The following ADAM23 variants were observed in gnomAD, a reference collection of about 807,000 sequenced individuals.
ADAM23 encodes the protein ADAM metallopeptidase domain 23, also known as disintegrin and metalloproteinase domain-containing protein 23.
ADAM23 carries 33 observed loss-of-function variants against 120.1 expected under a neutral mutation model. The observed-to-expected ratio is 0.27, with a 90% CI of 0.21 to 0.37. The LOEUF (loss-of-function observed/expected upper bound fraction) is 0.37, where lower values mean the gene tolerates loss of function less well. Ranked by LOEUF, ADAM23 falls within the 10% of genes least tolerant of loss-of-function variation. ADAM23 has a pLI of 1.00. For missense variants in ADAM23, 862 were observed against 1,058.2 expected, an observed-to-expected ratio of 0.81 and a Z score of 2.57; for synonymous variants, 367 against 375.2, an observed-to-expected ratio of 0.98 and a Z score of 0.25.
intron 2 of ADAM23, among the ~76,000 whole-genome samples, chr2:206,469,764 A>G (rs1205596033): frequency 6.6e-6 from 1 of 151,990 alleles, no homozygotes; most frequent in African/African-American, 2.4e-5. Context: ...CTTGACCCAC[A>G]CTGGCCTTTT....
chr2:206,514,498 T>C (rs1313469841), intron 3 of ADAM23, among the ~76,000 whole-genome samples: 1 of 152,204 alleles, frequency 6.6e-6, no homozygotes, highest in African/African-American at 2.4e-5. Context: ...CTTGAATGGA[T>C]GAAGAGTTAC....
At chr2:206,515,471 C>T (rs1696712067) in intron 3 of ADAM23, among the ~76,000 whole-genome samples, 1 of 152,118 alleles carries the variant, frequency 6.6e-6, no homozygotes, top group Non-Finnish European at 1.5e-5. Context: ...ACAGTCTTTG[C>T]TCCTGTGTCC....
intron 24 of ADAM23, among the ~76,000 whole-genome samples, chr2:206,598,263 C>T (rs1016309816): frequency 6.6e-6 from 1 of 151,898 alleles, no homozygotes; most frequent in African/African-American, 2.4e-5. Context: ...ATAAAGATGC[C>T]TCAACGGATG....
chr2:206,591,981 A>AT (rs1386438537), intron 21 of ADAM23, among the ~76,000 whole-genome samples: 3 of 152,022 alleles, frequency 2.0e-5, no homozygotes, highest in African/African-American at 7.2e-5. Context: ...TTCTTTGCCC[A>AT]TTTTTTAGGA....
At chr2:206,569,652 G>A (rs1197745298) in intron 15 of ADAM23, among the ~76,000 whole-genome samples, 1 of 152,206 alleles carries the variant, frequency 6.6e-6, no homozygotes, top group Non-Finnish European at 1.5e-5. Context: ...CCATGTTCTA[G>A]TCAGCCCTTC....
intron 4 of ADAM23, among the ~76,000 whole-genome samples, chr2:206,535,958 A>G (rs956794903): frequency 2.6e-5 from 4 of 152,220 alleles, no homozygotes; most frequent in African/African-American, 9.6e-5. Flanking sequence ...AAAAAGGTAA[A>G]CTTTATGATT....
intron 4 of ADAM23, among the ~76,000 whole-genome samples, chr2:206,538,832 A>G (rs144636406): frequency 1.3e-5 from 2 of 152,196 alleles, no homozygotes; most frequent in African/African-American, 2.4e-5. Context: ...GCTGGTCTCA[A>G]ACTCCTCCTG....
intron 24 of ADAM23, chr2:206,605,683 A>G: frequency 1.5e-6 from 1 of 663,514 alleles, no homozygotes; most frequent in Non-Finnish European, 2.7e-6. Context: ...AAAAAATTCA[A>G]TATTTAGCCA....
intron 18 of ADAM23, among the ~76,000 whole-genome samples, chr2:206,579,876 ATTTG>A (rs1471449870): frequency 1.1e-4 from 17 of 151,770 alleles, no homozygotes; most frequent in African/African-American, 3.6e-4. Flanking sequence ...ATGTATTTCC[ATTTG>A]TTTGTGTCAT....
intron 16 of ADAM23, among the ~76,000 whole-genome samples, chr2:206,571,396 A>G (rs1313131428): frequency 1.3e-5 from 2 of 152,034 alleles, no homozygotes. Context: ...AATGGCATGA[A>G]CCCGGGAGGC....
At chr2:206,545,702 G>A (rs1308385721) in intron 6 of ADAM23, among the ~76,000 whole-genome samples, 1 of 152,062 alleles carries the variant, frequency 6.6e-6, no homozygotes, top group African/African-American at 2.4e-5. Flanking sequence ...AAATTATCAG[G>A]TAATGAAGAC....
intron 3 of ADAM23, among the ~76,000 whole-genome samples, chr2:206,522,284 A>C (rs1459365995): frequency 6.6e-6 from 1 of 152,208 alleles, no homozygotes; most frequent in African/African-American, 2.4e-5. Flanking sequence ...TTGTACATCT[A>C]GAAATGTGTT....
intron 3 of ADAM23, among the ~76,000 whole-genome samples, chr2:206,483,149 C>T (rs1695932648): frequency 6.6e-6 from 1 of 152,112 alleles, no homozygotes; most frequent in South Asian, 2.1e-4. Context: ...AGAGGGAATA[C>T]TTTCAATAAA....
At chr2:206,445,074 T>C (rs533731354) in intron 1 of ADAM23, among the ~76,000 whole-genome samples, 5 of 149,898 alleles carry the variant, frequency 3.3e-5, no homozygotes, top group Non-Finnish European at 7.4e-5. Context: ...TCAAAATAAA[T>C]AGTGCACAGT....
intron 3 of ADAM23, among the ~76,000 whole-genome samples, chr2:206,497,068 A>G (rs1262230931): frequency 6.6e-6 from 1 of 152,126 alleles, no homozygotes; most frequent in African/African-American, 2.4e-5. Context: ...AATTCTACCA[A>G]AGGTACAAGG....
chr2:206,499,635 A>G (rs969428048), intron 3 of ADAM23, among the ~76,000 whole-genome samples: 1 of 151,816 alleles, frequency 6.6e-6, no homozygotes, highest in Non-Finnish European at 1.5e-5. Context: ...AACTTAAAGT[A>G]TAATAATAAT....
intron 3 of ADAM23, among the ~76,000 whole-genome samples, chr2:206,506,590 C>G (rs1015347668): frequency 1.3e-5 from 2 of 152,186 alleles, no homozygotes; most frequent in African/African-American, 4.8e-5. Flanking sequence ...TTTACTCTTT[C>G]AAGCATTTCG....
chr2:206,617,570 C>T lies in ADAM23; in HGVS notation c.2451-9C>T, dbSNP rs1346762503. Reference sequence around the variant, plus strand: ...TCTGCTTGCATCTTCTTTTGACTCACTCTGGAAGAAATGTCAAGAAGAGAA... The same window carrying T: ...TCTGCTTGCATCTTCTTTTGACTCATTCTGGAAGAAATGTCAAGAAGAGAA... On this transcript the variant is annotated splice_polypyrimidine_tract_variant and intron_variant, in intron 25 of 25. Transcript: ENST00000264377. The T allele has an allele frequency of 6.2e-7, 1 of 1,602,470 alleles. No individual in the cohort carries two copies. The highest frequency in any genetic ancestry group is 2.2e-5 in the East Asian group (1 of 44,550).
chr2:206,500,705 C>G (rs1212262598), intron 3 of ADAM23, among the ~76,000 whole-genome samples: 1 of 152,126 alleles, frequency 6.6e-6, no homozygotes, highest in Non-Finnish European at 1.5e-5. Context: ...TGGGCTGTAT[C>G]TACTGTCATC....
Sources: gnomAD v4.1 joint callset for allele counts (sites outside exome capture counted in the v4.1 genomes callset) on GRCh38, gnomAD v4.1.1 for gene constraint, MANE v1.5 for transcripts, NCBI Gene and HGNC (gene_info 2026-07-23, HGNC 2026-07-21) for gene names.